The following USP36 variants were observed in gnomAD, a reference collection of about 807,000 sequenced individuals.
USP36 encodes ubiquitin specific peptidase 36.
USP36 carries 59 observed loss-of-function variants against 111.5 expected under a neutral mutation model. The ratio of observed to expected loss-of-function variants is 0.53; its 90% CI spans 0.43 to 0.66. The LOEUF (loss-of-function observed/expected upper bound fraction) is 0.66, where lower values mean the gene tolerates loss of function less well. Among genes scored for constraint, USP36 ranks in the 30% least tolerant of loss-of-function variants. USP36 has a pLI of 0.00. For synonymous variants in USP36, 628 were observed against 581.0 expected, an observed-to-expected ratio of 1.08 and a Z score of -1.16; for missense variants, 1,488 against 1,468.0, an observed-to-expected ratio of 1.01 and a Z score of -0.22.
At chr17:78,820,862 G>A in intron 8 of USP36, 129 bp downstream of exon 8, 3 of 968,320 alleles carry the variant, frequency 3.1e-6, no homozygotes, top group Non-Finnish European at 4.8e-6. Flanking sequence ...TGTACTGCAA[G>A]GCGGCAGGGA....
At chr17:78,791,340 T>G (rs1304388133), downstream of USP36, among the ~76,000 whole-genome samples, 2 of 151,932 alleles carry the variant, frequency 1.3e-5, no homozygotes, top group African/African-American at 4.8e-5. Context: ...CTCCATGTTG[T>G]GTCCTGACCT....
chr17:78,812,718 A>AAAAAAG (rs879128442), intron 13 of USP36, 142 bp downstream of exon 13: 1 of 738,768 alleles, frequency 1.4e-6, no homozygotes. Flanking sequence ...AAAAAAAAAA[A>AAAAAAG]GAAAAGAAAA....
At chr17:78,813,116 C>A in intron 12 of USP36, 115 bp from the exon 13 acceptor site, 7 of 1,289,558 alleles carry the variant, frequency 5.4e-6, no homozygotes, top group Admixed American at 2.2e-5. Context: ...GGAAACCCTG[C>A]CAGTCCTAAC....
chr17:78,827,871 T>C (rs2067716778), intron 5 of USP36, among the ~76,000 whole-genome samples: 1 of 152,220 alleles, frequency 6.6e-6, no homozygotes, highest in African/African-American at 2.4e-5. Context: ...ATCTCACCAC[T>C]GCAATCTCCA....
chr17:78,806,824 TA>T, intron 14 of USP36, 134 bp downstream of exon 14: 3 of 1,281,102 alleles, frequency 2.3e-6, no homozygotes, highest in Non-Finnish European at 3.2e-6. Context: ...TGGGAACGAC[TA>T]AAAGACACTT....
chr17:78,793,048 A>G (rs553142463), downstream of USP36, among the ~76,000 whole-genome samples: 1 of 148,364 alleles, frequency 6.7e-6, no homozygotes, highest in East Asian at 2.0e-4. Flanking sequence ...TTAAATGCTG[A>G]TGCCTAAGCC....
rs2094337442 is a variant in USP36 at position 78,821,800 on chromosome 17, C to T, written c.757+137G>A. The T allele has an allele frequency of 1.4e-5, 13 of 951,512 alleles. No individual in the cohort carries two copies. The South Asian group carries it at 1.8e-4, about 13-fold the overall frequency. 58.9% of individuals were successfully genotyped at this position (951,512 alleles called of 1,614,324 possible). On this transcript the variant is annotated intron_variant, in intron 7 of 20. Transcript: ENST00000449938. The stretch of plus-strand genomic sequence containing the variant: ...GCGGGCCAAGAGTCTCAGAGGAAAC[C>T]ATGGCTCAAGACCTCAGAGACTGAC...
intron 16 of USP36, among the ~76,000 whole-genome samples, chr17:78,802,931 G>A (rs560615307): frequency 1.3e-5 from 2 of 152,198 alleles, no homozygotes; most frequent in African/African-American, 2.4e-5. Flanking sequence ...TTTATCAGAG[G>A]AGATATTTTT....
Position 78,818,789 on chromosome 17 carries a change from G to A in USP36, c.912-11C>T. Reference sequence around the variant, plus strand: ...ACCTTCTTCTTGCATCTATGAAGAAGGTGATGAGAAAGATTAATGAATGAT... The same window carrying A: ...ACCTTCTTCTTGCATCTATGAAGAAAGTGATGAGAAAGATTAATGAATGAT... On this transcript the variant is annotated splice_polypyrimidine_tract_variant and intron_variant, in intron 9 of 20. Coordinates refer to ENST00000449938, the MANE Select transcript of USP36 (RefSeq NM_001385174.1). 2 of 1,613,470 alleles carry A rather than the reference G, an allele frequency of 1.2e-6. No individual in the cohort carries two copies. Among genetic ancestry groups the A allele is most frequent in the Non-Finnish European group, 1.7e-6 (2 of 1,179,532 alleles).
chr17:78,836,145 G>A lies in USP36; in HGVS notation c.219C>T (p.His73=), dbSNP rs925168027. 6.2e-7 allele frequency: 1 copy of A among 1,613,894 alleles called. No homozygotes were observed. The highest frequency in any genetic ancestry group is 8.5e-7 in the Non-Finnish European group (1 of 1,180,044). The part of the protein sequence containing the change: ...LNPKTEGASR[H]KSGDDPPARR... ...TGGCCGGTGGGTCATCTCCACTCTT[G>A]TGGCGACTAGCTCCCTCTGTTTTGG... Residue 73 remains histidine (H), a synonymous_variant, in exon 3 of 21, where the codon CAC becomes CAT. Transcript: ENST00000449938.
At chr17:78,820,400 C>G (rs191097332) in intron 8 of USP36, among the ~76,000 whole-genome samples, 2 of 152,268 alleles carry the variant, frequency 1.3e-5, no homozygotes, top group Admixed American at 1.3e-4. Context: ...GAGGTCAACA[C>G]TACAGTGAGC....
At chr17:78,820,337 C>T (rs1203571564) in intron 8 of USP36, among the ~76,000 whole-genome samples, 1 of 152,086 alleles carries the variant, frequency 6.6e-6, no homozygotes, top group Non-Finnish European at 1.5e-5. Flanking sequence ...ATTAGCCAGG[C>T]GTGGTGGTGC....
At chr17:78,828,620 G>A (rs74001283) in intron 5 of USP36, among the ~76,000 whole-genome samples, 8,622 of 152,156 alleles carry the variant, frequency 0.057, 775 homozygotes, top group African/African-American at 0.19. Context: ...TAGCACAGAG[G>A]GATTCCCAAG....
intron 17 of USP36, among the ~76,000 whole-genome samples, chr17:78,801,309 A>G (rs1327944162): frequency 1.4e-4 from 21 of 152,200 alleles, no homozygotes. Flanking sequence ...CTGGCCAGCA[A>G]ACTCAGTCGG....
rs771680038 is a variant in USP36 at position 78,807,254 on chromosome 17, T to C, written c.1790A>G (p.Lys597Arg). 2 of 1,613,922 alleles carry C rather than the reference T, an allele frequency of 1.2e-6. No homozygotes were observed. The highest frequency in any genetic ancestry group is 3.3e-5 in the Admixed American group (2 of 59,976). Reference sequence around the variant, plus strand: ...GAGGCCAGCGCTCTCGTCGTTCCCCTTCAGCCCATGCCCGTTGGCAGTGGC... The same window carrying C: ...GAGGCCAGCGCTCTCGTCGTTCCCCCTCAGCCCATGCCCGTTGGCAGTGGC... ...ATATANGHGL[K>R]GNDESAGLDR... Residue 597 changes from lysine (K) to arginine (R), a missense_variant, in exon 14 of 21, where the codon AAG (lysine) becomes AGG (arginine). By Grantham distance (26) the Lys-to-Arg change is conservative. Around this residue, in one of 3 missense-constraint regions of USP36, gnomAD observed 1,073 missense variants for 994.1 expected, o/e 1.08. Transcript: ENST00000449938.
upstream of USP36, chr17:78,840,959 C>T (rs1257297997): frequency 6.6e-6 from 1 of 152,322 alleles, no homozygotes; most frequent in African/African-American, 2.4e-5. Flanking sequence ...CGCCCACCGC[C>T]GCTTCCGTGT....
rs1280336104 is a variant in USP36 at position 78,802,358 on chromosome 17, T to C, written c.2988A>G (p.Pro996=). 3 of 1,599,650 alleles carry C rather than the reference T, an allele frequency of 1.9e-6. No homozygotes were observed. The South Asian group carries it at 3.4e-5, about 18-fold the overall frequency. Residue 996 remains proline (P), a synonymous_variant, in exon 17 of 21, where the codon CCA becomes CCG. Transcript: ENST00000449938. ...AVVPESSSCA[P]SANGWCPGDR... ...CCCCAGGACACCAGCCATTCGCGGA[T>C]GGTGCGCAGCTGCTGGACTCGGGGA...
chr17:78,805,710 T>G (rs1236246922), intron 15 of USP36, among the ~76,000 whole-genome samples: 3 of 152,102 alleles, frequency 2.0e-5, no homozygotes, highest in Non-Finnish European at 4.4e-5. Flanking sequence ...CCTGAGACAG[T>G]TCTTAACCTG....
At chr17:78,806,008 G>A in intron 15 of USP36, 148 bp downstream of exon 15, 1 of 1,369,846 alleles carries the variant, frequency 7.3e-7, no homozygotes, top group Middle Eastern at 2.6e-4. Flanking sequence ...GGGGATCTTG[G>A]TCAGTGACGC....
Sources: allele counts gnomAD v4.1 joint callset (sites outside exome capture counted in the v4.1 genomes callset), GRCh38; gene constraint gnomAD v4.1.1; regional missense constraint gnomAD v4.1.1; transcripts MANE v1.5; gene names NCBI Gene and HGNC (gene_info 2026-07-23, HGNC 2026-07-21).